Variants in ASAP3 observed in about 807,000 individuals in gnomAD.
ASAP3 encodes ArfGAP with SH3 domain, ankyrin repeat and PH domain 3.
ASAP3 carries 85 observed loss-of-function variants against 118.2 expected under a neutral mutation model. The observed-to-expected ratio is 0.72, with a 90% CI of 0.60 to 0.86. The LOEUF is 0.86. Among genes scored for constraint, ASAP3 ranks in the 40% least tolerant of loss-of-function variants. The probability of loss-of-function intolerance (pLI) is 0.00; values close to 1 mark genes in which losing one functional copy is unlikely to be tolerated. For synonymous variants in ASAP3, 432 were observed against 477.4 expected (o/e 0.90, Z 1.24); for missense variants, 1,026 against 1,175.0 (o/e 0.87, Z 1.85).
Position 23,434,351 on chromosome 1 carries a change from C to T in ASAP3, c.1854G>A (p.Lys618=). ...GCAGAGCCGTGTTCCCGTCAGCAGC[C>T]TTGGCATCCAGGTGACCACTGGGGA... ...IIQNGGHLDA[K]AADGNTALHY... is the part of the protein sequence containing the mutation. Residue 618 remains lysine (K), a synonymous_variant, in exon 19 of 25, where the codon AAG becomes AAA. Transcript: ENST00000336689. The T allele has an allele frequency of 6.2e-7, 1 of 1,614,198 alleles. No individual in the cohort carries two copies. Among genetic ancestry groups the T allele is most frequent in the Non-Finnish European group, 8.5e-7 (1 of 1,180,040 alleles).
At chr1:23,455,377 G>A (rs1027535245) in intron 3 of ASAP3, among the ~76,000 whole-genome samples, 1 of 152,202 alleles carries the variant, frequency 6.6e-6, no homozygotes, top group East Asian at 1.9e-4. Context: ...GAAGCAACCC[G>A]AGGCCACTGG....
intron 5 of ASAP3, among the ~76,000 whole-genome samples, chr1:23,443,851 G>C (rs1640958574): frequency 6.6e-6 from 1 of 152,100 alleles, no homozygotes. Flanking sequence ...CTCCCGAGTA[G>C]GTGGGAGTAC....
intron 7 of ASAP3, 70 bp from the exon 8 acceptor site, chr1:23,441,800 G>A: frequency 3.2e-6 from 5 of 1,544,704 alleles, no homozygotes; most frequent in South Asian, 2.3e-5. Flanking sequence ...CAGAAGTGTG[G>A]GAGAAGCTGC....
At chr1:23,445,162 A>G (rs1237810204) in intron 5 of ASAP3, among the ~76,000 whole-genome samples, 1 of 152,060 alleles carries the variant, frequency 6.6e-6, no homozygotes, top group African/African-American at 2.4e-5. Flanking sequence ...CTGGGCCTGC[A>G]GCATCTCAGC....
At chr1:23,472,628 G>A (rs142681722) in intron 1 of ASAP3, among the ~76,000 whole-genome samples, 270 of 152,248 alleles carry the variant, frequency 1.8e-3, no homozygotes, top group African/African-American at 6.2e-3. Flanking sequence ...TGCCAGGACC[G>A]CACAGATAAT....
At chr1:23,465,688 GAC>G (rs1281281858) in intron 1 of ASAP3, among the ~76,000 whole-genome samples, 1 of 152,026 alleles carries the variant, frequency 6.6e-6, no homozygotes, top group Non-Finnish European at 1.5e-5. Flanking sequence ...TTTTAGTAGA[GAC>G]AGGGTTTCGC....
At position 23,436,320 on chromosome 1, in the gene ASAP3, G is replaced by A. The variant is rs1461731722; in HGVS notation, c.1571+240C>T. Among the ~76,000 whole-genome samples the A allele has an allele frequency of 6.6e-6, 1 of 152,202 alleles. No individual in the cohort carries two copies. The highest frequency in any genetic ancestry group is 2.4e-5 in the African/African-American group (1 of 41,448). On this transcript the variant is annotated intron_variant, in intron 16 of 24. Coordinates refer to ENST00000336689, the MANE Select transcript of ASAP3 (RefSeq NM_017707.4). The surrounding 1 kb of genome is among the most constrained non-coding windows in gnomAD (Gnocchi z 4.2). Reference sequence around the variant, plus strand: ...TGGAATTACAGGCGTGTGCCACCACGCCCAGCTAATTCTTGTATTTTGAGT... The same window carrying A: ...TGGAATTACAGGCGTGTGCCACCACACCCAGCTAATTCTTGTATTTTGAGT...
rs187911549 is a variant in ASAP3, at chr1:23,460,961, T to C, written c.130-4767A>G. On this transcript the variant is annotated intron_variant, in intron 1 of 24. Coordinates refer to ENST00000336689, the MANE Select transcript of ASAP3 (RefSeq NM_017707.4). The stretch of plus-strand genomic sequence containing the variant: ...CATCACTAAGTGAAAGAAGCCAATT[T>C]GAAAAGGCTACTACATGATTTCAAC... 2.1e-3 allele frequency among the ~76,000 whole-genome samples: 323 copies of C among 152,280 alleles called. 3 individuals carry two copies. The highest frequency in any genetic ancestry group is 6.8e-3 in the Middle Eastern group (2 of 294).
intron 1 of ASAP3, among the ~76,000 whole-genome samples, chr1:23,476,982 A>G (rs925438792): frequency 2.6e-5 from 4 of 152,082 alleles, no homozygotes; most frequent in African/African-American, 9.7e-5. Context: ...CTATTCTCAT[A>G]GAAGTCAAAA....
chr1:23,434,649 C>G (rs780659995), intron 17 of ASAP3, 31 bp from the exon 18 acceptor site: 4 of 1,602,658 alleles, frequency 2.5e-6, no homozygotes, highest in East Asian at 2.2e-5. Context: ...CTGAGATTCC[C>G]CCCCCAGTGC....
In ASAP3 at chr1:23,484,174, G is replaced by A. The variant is rs1407053708; in HGVS notation, c.-41C>T. On this transcript the variant is annotated 5_prime_UTR_variant, in exon 1 of 25. Transcript: ENST00000336689. ...GGAGCTGCCGGAGCGGGGCGCGGGG[G>A]GCACTGAGCTGCTCCGCGCTGAGCC... The A allele has an allele frequency of 3.2e-6, 4 of 1,239,128 alleles. No individual in the cohort carries two copies. Among genetic ancestry groups the A allele is most frequent in the Admixed American group, 4.3e-5 (1 of 23,330 alleles). The allele number at this position is 1,239,128 out of a possible 1,614,324, so 76.8% of individuals were successfully genotyped here.
chr1:23,467,435 T>G (rs1049521518), intron 1 of ASAP3, among the ~76,000 whole-genome samples: 1 of 152,326 alleles, frequency 6.6e-6, no homozygotes, highest in Admixed American at 6.5e-5. Flanking sequence ...CATCATTCTG[T>G]TAAGATATGA....
intron 5 of ASAP3, among the ~76,000 whole-genome samples, chr1:23,446,671 C>T (rs1641057081): frequency 6.6e-6 from 1 of 152,158 alleles, no homozygotes; most frequent in Non-Finnish European, 1.5e-5. Flanking sequence ...CTCCTGACCT[C>T]AGGTGATCTG....
rs149750772 is a variant in ASAP3, at chr1:23,436,992, C to T, written c.1395G>A (p.Ser465=). 7 of 1,612,036 alleles carry T rather than the reference C, an allele frequency of 4.3e-6. No individual in the cohort carries two copies. Among genetic ancestry groups the T allele is most frequent in the African/African-American group, 4.0e-5 (3 of 74,904 alleles). Residue 465 remains serine, a synonymous_variant, in exon 15 of 25, where the codon TCG becomes TCA. Transcript: ENST00000336689. The surrounding 1 kb of genome is among the most constrained non-coding windows in gnomAD (Gnocchi z 4.2). Reference sequence around the variant, plus strand: ...GCACGCCCAGTTCGCGGTGGACGCCCGAGCACTGGATGCAGGTGAGCACGC... The same window carrying T: ...GCACGCCCAGTTCGCGGTGGACGCCTGAGCACTGGATGCAGGTGAGCACGC... The part of the protein sequence containing the change: ...NLGVLTCIQC[S]GVHRELGVRF...
chr1:23,450,922 C>T (rs901152816), intron 5 of ASAP3, among the ~76,000 whole-genome samples: 8 of 152,300 alleles, frequency 5.3e-5, no homozygotes, highest in Admixed American at 3.9e-4. Flanking sequence ...CCTTCTTTCC[C>T]CATGATGTCC....
rs765877713 is a variant in ASAP3, at chr1:23,452,746, G to A, written c.374C>T (p.Ser125Phe). The A allele has an allele frequency of 3.7e-5, 60 of 1,613,796 alleles. No homozygotes were observed. The highest frequency in any genetic ancestry group is 4.7e-5 in the Non-Finnish European group (55 of 1,180,022). Residue 125 changes from serine to phenylalanine, a missense_variant, in exon 4 of 25, where the codon TCT becomes TTT. Ser to Phe is a radical substitution (Grantham distance 155). Coordinates refer to ENST00000336689, the MANE Select transcript of ASAP3 (RefSeq NM_017707.4). ...NLIQNLNNIVSFPLDSLMKGQ... is the reference protein window; with the variant it reads ...NLIQNLNNIVFFPLDSLMKGQ... ...CTTCATCAGACTGTCCAGGGGGAAA[G>A]AGACAATGTTGTTCAAGTTCTGAAT...
Position 23,431,850 on chromosome 1 carries a change from A to G in ASAP3, c.2392T>C (p.Ser798Pro). 1.3e-6 allele frequency: 2 copies of G among 1,595,242 alleles called. No individual in the cohort carries two copies. Among genetic ancestry groups the G allele is most frequent in the Non-Finnish European group, 1.7e-6 (2 of 1,174,322 alleles). ...ETPESLGSPA[S>P]SSSLMSPLEP... ...AAGGGGCTCATCAGACTGGAGGAGG[A>G]GGCTGGACTGCCCAGGCTCTCAGGG... Residue 798 changes from serine (S) to proline (P), a missense_variant, in exon 23 of 25, where the codon TCC (serine) becomes CCC (proline). Physicochemically the swap from Ser to Pro is moderately conservative, Grantham distance 74. Transcript: ENST00000336689.
rs558166863 is a variant in ASAP3 at position 23,437,360 on chromosome 1, G to A, written c.1152-40C>T. On this transcript the variant is annotated intron_variant, in intron 13 of 24. Coordinates refer to ENST00000336689, the MANE Select transcript of ASAP3 (RefSeq NM_017707.4). This position sits in a 1 kb window ranked among gnomAD's most constrained non-coding sequence, Gnocchi z 6.1. The stretch of plus-strand genomic sequence containing the variant: ...CGGGGTGGGATGGGGATGTCAAGTG[G>A]GAAGAGATAGGGCCGCCGGCCCCCA... The A allele has an allele frequency of 6.2e-7, 1 of 1,609,708 alleles. No homozygotes were observed. Among genetic ancestry groups the A allele is most frequent in the African/African-American group, 1.3e-5 (1 of 74,970 alleles).
In ASAP3 at chr1:23,442,277, A is replaced by G; in HGVS notation, c.586-6T>C. The stretch of plus-strand genomic sequence containing the variant: ...TCCCCGGCTTTGAGCAGATACTAGG[A>G]GGAGGGCAGGGCAAGATACGTGATG... On this transcript the variant is annotated splice_polypyrimidine_tract_variant and splice_region_variant and intron_variant, in intron 6 of 24. Coordinates refer to ENST00000336689, the MANE Select transcript of ASAP3 (RefSeq NM_017707.4). 1 of 1,600,488 alleles carries G rather than the reference A, an allele frequency of 6.2e-7. No individual in the cohort carries two copies. Among genetic ancestry groups the G allele is most frequent in the Non-Finnish European group, 8.5e-7 (1 of 1,173,910 alleles).
Sources: gnomAD v4.1 joint callset for allele counts (sites outside exome capture counted in the v4.1 genomes callset) on GRCh38, gnomAD v4.1.1 for gene constraint, Gnocchi (gnomAD v3.1) non-coding constraint, MANE v1.5 for transcripts, NCBI Gene and HGNC (gene_info 2026-07-23, HGNC 2026-07-21) for gene names.